ST6GALNAC3: variants seen among roughly 807,000 people sequenced by gnomAD.
The protein encoded by ST6GALNAC3 is ST6 N-acetylgalactosaminide alpha-2,6-sialyltransferase 3, also known as alpha-N-acetylgalactosaminide alpha-2,6-sialyltransferase 3.
A neutral mutation model predicts 32.7 loss-of-function variants in ST6GALNAC3; 25 were observed. The observed-to-expected ratio is 0.76, with a 90% CI of 0.56 to 1.07. The LOEUF is 1.07. Ranked by LOEUF, ST6GALNAC3 falls within the 50% of genes least tolerant of loss-of-function variation. The pLI, the probability that ST6GALNAC3 is intolerant of heterozygous loss-of-function variation, is 0.00. For missense variants in ST6GALNAC3, 355 were observed against 382.4 expected (o/e 0.93, Z 0.60); for synonymous variants, 129 against 133.1 (o/e 0.97, Z 0.21).
At chr1:76,223,361 G>A (rs949956390) in intron 1 of ST6GALNAC3, among the ~76,000 whole-genome samples, 5 of 152,030 alleles carry the variant, frequency 3.3e-5, no homozygotes, top group South Asian at 2.1e-4. Flanking sequence ...ACATAAACGC[G>A]AACACAAAGA....
chr1:76,500,838 G>C (rs984758013), intron 3 of ST6GALNAC3, among the ~76,000 whole-genome samples: 1 of 152,144 alleles, frequency 6.6e-6, no homozygotes, highest in African/African-American at 2.4e-5. Context: ...GTATATAGAT[G>C]TACACTCAAG....
At chr1:76,170,929 A>G (rs1284366132) in intron 1 of ST6GALNAC3, among the ~76,000 whole-genome samples, 1 of 152,238 alleles carries the variant, frequency 6.6e-6, no homozygotes, top group Non-Finnish European at 1.5e-5. Flanking sequence ...CATGATTTCA[A>G]ACATTCTAAA....
chr1:76,305,530 T>C (rs747678006), intron 1 of ST6GALNAC3, among the ~76,000 whole-genome samples: 5 of 152,024 alleles, frequency 3.3e-5, no homozygotes, highest in African/African-American at 4.8e-5. Context: ...TTTGGAAAGC[T>C]CAGTCTGGAG....
intron 3 of ST6GALNAC3, among the ~76,000 whole-genome samples, chr1:76,507,442 C>T (rs1048185729): frequency 2.0e-5 from 3 of 152,120 alleles, no homozygotes; most frequent in Admixed American, 2.0e-4. Flanking sequence ...ACCTCTCAGG[C>T]CCCCCAACAC....
At chr1:76,589,206 A>G (rs769146959) in intron 3 of ST6GALNAC3, among the ~76,000 whole-genome samples, 3 of 152,228 alleles carry the variant, frequency 2.0e-5, no homozygotes, top group Non-Finnish European at 4.4e-5. Context: ...CTGATATTTC[A>G]TGCCATTTGC....
intron 3 of ST6GALNAC3, among the ~76,000 whole-genome samples, chr1:76,519,955 T>A (rs1390666245): frequency 2.0e-5 from 3 of 151,734 alleles, no homozygotes; most frequent in Non-Finnish European, 4.4e-5. Context: ...TTATACACTT[T>A]AAAAATTATA....
At chr1:76,389,087 C>T (rs1322583871) in intron 2 of ST6GALNAC3, among the ~76,000 whole-genome samples, 1 of 146,956 alleles carries the variant, frequency 6.8e-6, no homozygotes, top group Non-Finnish European at 1.5e-5. Context: ...CTCACTGCAA[C>T]CTGCATTCTG....
chr1:76,556,288 G>A (rs895043426), intron 3 of ST6GALNAC3, among the ~76,000 whole-genome samples: 1 of 152,038 alleles, frequency 6.6e-6, no homozygotes, highest in Non-Finnish European at 1.5e-5. Flanking sequence ...TCAGTTCATG[G>A]ACATTTGGGT....
Position 76,630,568 on chromosome 1 carries a change from G to A in ST6GALNAC3, c.*1762G>A. ...CAGGCTCAACTTATAGAATGTTTTG[G>A]AAACTGGAAGTAATGATACATTTCA... On this transcript the variant is annotated 3_prime_UTR_variant, in exon 5 of 5. Coordinates refer to ENST00000328299, the MANE Select transcript of ST6GALNAC3 (RefSeq NM_152996.4). The A allele has an allele frequency of 1.0e-6, 1 of 985,422 alleles. No homozygotes were observed. Among genetic ancestry groups the A allele is most frequent in the South Asian group, 4.7e-5 (1 of 21,286 alleles). The allele number at this position is 985,422 out of a possible 1,614,324, so 61.0% of individuals were successfully genotyped here.
At chr1:76,468,074 A>C (rs1234607061) in intron 3 of ST6GALNAC3, among the ~76,000 whole-genome samples, 2 of 151,782 alleles carry the variant, frequency 1.3e-5, no homozygotes, top group Non-Finnish European at 2.9e-5. Context: ...TATATACCAG[A>C]ATCAATCAAT....
At chr1:76,282,606 G>A (rs932608497) in intron 1 of ST6GALNAC3, among the ~76,000 whole-genome samples, 1 of 152,066 alleles carries the variant, frequency 6.6e-6, no homozygotes, top group African/African-American at 2.4e-5. Flanking sequence ...TGTTTCTCAG[G>A]GATCAGCTTT....
intron 2 of ST6GALNAC3, chr1:76,353,701 A>C (rs1649192011): frequency 6.5e-6 from 1 of 153,244 alleles, no homozygotes; most frequent in African/African-American, 2.4e-5. Context: ...TCATCCTCAA[A>C]GAGTGGCAAC....
At chr1:76,352,747 G>A (rs923914378) in intron 2 of ST6GALNAC3, among the ~76,000 whole-genome samples, 1 of 152,016 alleles carries the variant, frequency 6.6e-6, no homozygotes, top group African/African-American at 2.4e-5. Flanking sequence ...ATTAGGTACA[G>A]GCTCAAAACT....
intron 1 of ST6GALNAC3, among the ~76,000 whole-genome samples, chr1:76,116,737 C>T (rs1648507028): frequency 1.3e-5 from 2 of 152,106 alleles, no homozygotes; most frequent in African/African-American, 2.4e-5. Flanking sequence ...TCCAGACCAG[C>T]CTTGCCAACA....
chr1:76,213,042 A>C (rs1655255147), intron 1 of ST6GALNAC3, among the ~76,000 whole-genome samples: 1 of 152,214 alleles, frequency 6.6e-6, no homozygotes, highest in Admixed American at 6.5e-5. Context: ...TATTAATTCA[A>C]GCTGTTCTAT....
Position 76,313,954 on chromosome 1 carries a change from G to A in ST6GALNAC3, c.168G>A (p.Arg56=). 6.2e-7 allele frequency: 1 copy of A among 1,613,230 alleles called. No individual in the cohort carries two copies. The highest frequency in any genetic ancestry group is 8.5e-7 in the Non-Finnish European group (1 of 1,179,534). ...KWIPFSYTYR[R]PLRTHYGYIN... is the part of the protein sequence containing the mutation. The stretch of plus-strand genomic sequence containing the variant: ...TACCATTCTCCTACACATACAGGCG[G>A]CCCCTTCGAACTCACTATGGATACA... Residue 56 remains arginine, a synonymous_variant, in exon 2 of 5, where the codon CGG becomes CGA. Coordinates refer to ENST00000328299, the MANE Select transcript of ST6GALNAC3 (RefSeq NM_152996.4).
intron 1 of ST6GALNAC3, among the ~76,000 whole-genome samples, chr1:76,222,557 T>C (rs1655833528): frequency 6.6e-6 from 1 of 152,022 alleles, no homozygotes; most frequent in African/African-American, 2.4e-5. Context: ...TTACAAGCAA[T>C]GCTTAATGAC....
intron 1 of ST6GALNAC3, among the ~76,000 whole-genome samples, chr1:76,097,075 C>T (rs183739970): frequency 3.9e-4 from 59 of 152,246 alleles, no homozygotes; most frequent in African/African-American, 1.4e-3. Flanking sequence ...TGTGCCACCA[C>T]GCCCGGCTAA....
chr1:76,614,563 C>G (rs903449429), intron 3 of ST6GALNAC3, among the ~76,000 whole-genome samples: 5 of 151,696 alleles, frequency 3.3e-5, no homozygotes, highest in Admixed American at 2.0e-4. Flanking sequence ...ACTAACAATA[C>G]AAAAAATTAG....
Sources: gnomAD v4.1 joint callset for allele counts (sites outside exome capture counted in the v4.1 genomes callset) on GRCh38, gnomAD v4.1.1 for gene constraint, MANE v1.5 for transcripts, NCBI Gene and HGNC (gene_info 2026-07-23, HGNC 2026-07-21) for gene names.